The following MARCHF4 variants were observed in gnomAD, a reference collection of about 807,000 sequenced individuals.
MARCHF4 encodes the protein membrane associated ring-CH-type finger 4.
MARCHF4 carries 14 observed loss-of-function variants against 43.9 expected under a neutral mutation model. That is an observed-to-expected ratio of 0.32 (90% CI 0.21 to 0.50). MARCHF4 has a LOEUF of 0.50. Among genes scored for constraint, MARCHF4 ranks in the 20% least tolerant of loss-of-function variants. The pLI, the probability that MARCHF4 is intolerant of heterozygous loss-of-function variation, is 0.98. For synonymous variants in MARCHF4, 226 were observed against 213.3 expected (o/e 1.06, Z -0.52); for missense variants, 468 against 536.7 (o/e 0.87, Z 1.27).
intron 2 of MARCHF4, among the ~76,000 whole-genome samples, chr2:216,280,324 G>T (rs1691107534): frequency 6.6e-6 from 1 of 151,962 alleles, no homozygotes; most frequent in Non-Finnish European, 1.5e-5. Flanking sequence ...CCAATGAATG[G>T]AGAGACAAGC....
chr2:216,328,408 G>C (rs183100563), intron 1 of MARCHF4, among the ~76,000 whole-genome samples: 1 of 152,202 alleles, frequency 6.6e-6, no homozygotes, highest in East Asian at 1.9e-4. Context: ...CTCGTGATTC[G>C]CCCAACAATC....
At chr2:216,334,027 C>G (rs957103341) in intron 1 of MARCHF4, among the ~76,000 whole-genome samples, 2 of 151,884 alleles carry the variant, frequency 1.3e-5, no homozygotes, top group Admixed American at 6.6e-5. Flanking sequence ...CATGACCCCC[C>G]AAAGATGCCC....
chr2:216,302,714 AC>A (rs1691510008), intron 1 of MARCHF4, among the ~76,000 whole-genome samples: 1 of 151,640 alleles, frequency 6.6e-6, no homozygotes, highest in African/African-American at 2.4e-5. Flanking sequence ...CCTGGCCAAC[AC>A]AATGAAACCC....
chr2:216,281,609 G>A lies in MARCHF4; in HGVS notation c.672+1965C>T, dbSNP rs72942605. ...TGTCTCACATGTTGCTGGGCCTGAGGAGCACAGGACATACAATTGGGACAA... is the reference window on the plus strand; with the variant it reads ...TGTCTCACATGTTGCTGGGCCTGAGAAGCACAGGACATACAATTGGGACAA... On this transcript the variant is annotated intron_variant, in intron 2 of 3. Coordinates refer to ENST00000273067, the MANE Select transcript of MARCHF4 (RefSeq NM_020814.3). Among the ~76,000 whole-genome samples, 1,015 of 152,316 alleles carry A rather than the reference G, an allele frequency of 6.7e-3. 9 individuals carry two copies. Among genetic ancestry groups the A allele is most frequent in the Admixed American group, 0.011 (173 of 15,302 alleles).
At chr2:216,283,963 A>G (rs1187119254) in intron 1 of MARCHF4, among the ~76,000 whole-genome samples, 1 of 152,150 alleles carries the variant, frequency 6.6e-6, no homozygotes, top group Non-Finnish European at 1.5e-5. Context: ...ACTGCTTGAT[A>G]CAGCACAGTA....
At chr2:216,358,947 A>T (rs1692538716) in intron 1 of MARCHF4, among the ~76,000 whole-genome samples, 1 of 152,190 alleles carries the variant, frequency 6.6e-6, no homozygotes, top group African/African-American at 2.4e-5. Flanking sequence ...AAGGAAACCA[A>T]ATGGGGAGAA....
chr2:216,320,122 C>G (rs1414425859), intron 1 of MARCHF4, among the ~76,000 whole-genome samples: 5 of 152,108 alleles, frequency 3.3e-5, no homozygotes, highest in Non-Finnish European at 7.4e-5. Context: ...CTGTAAGACA[C>G]AAAGATATAT....
At chr2:216,330,256 T>A (rs773048407) in intron 1 of MARCHF4, among the ~76,000 whole-genome samples, 3 of 152,226 alleles carry the variant, frequency 2.0e-5, no homozygotes, top group Non-Finnish European at 4.4e-5. Flanking sequence ...GATAGTGTGG[T>A]CAATTTTTTC....
intron 1 of MARCHF4, among the ~76,000 whole-genome samples, chr2:216,364,932 T>C (rs1193124460): frequency 6.6e-6 from 1 of 152,250 alleles, no homozygotes; most frequent in Admixed American, 6.5e-5. Flanking sequence ...TTTAACAGTT[T>C]GTTAGCTGGA....
chr2:216,316,972 T>A (rs1054561457), intron 1 of MARCHF4, among the ~76,000 whole-genome samples: 1 of 152,030 alleles, frequency 6.6e-6, no homozygotes, highest in African/African-American at 2.4e-5. Flanking sequence ...ATGACCAGCA[T>A]GGGATGAGGT....
At chr2:216,341,718 C>T (rs190903351) in intron 1 of MARCHF4, among the ~76,000 whole-genome samples, 50 of 152,276 alleles carry the variant, frequency 3.3e-4, no homozygotes, top group African/African-American at 1.2e-3. Flanking sequence ...AACAACTGGA[C>T]CTGCATAGAC....
intron 1 of MARCHF4, among the ~76,000 whole-genome samples, chr2:216,350,722 C>T (rs1692394092): frequency 1.3e-5 from 2 of 152,218 alleles, no homozygotes; most frequent in South Asian, 4.1e-4. Flanking sequence ...AAGCATGCCC[C>T]TCCCTGTTTT....
At chr2:216,368,668 C>G (rs1692704739) in intron 1 of MARCHF4, among the ~76,000 whole-genome samples, 1 of 152,180 alleles carries the variant, frequency 6.6e-6, no homozygotes, top group Admixed American at 6.5e-5. Context: ...CAAGGAGTAT[C>G]CAGAAATCCT....
At chr2:216,271,613 G>A (rs907537895) in intron 3 of MARCHF4, among the ~76,000 whole-genome samples, 7 of 152,118 alleles carry the variant, frequency 4.6e-5, no homozygotes, top group South Asian at 2.1e-4. Flanking sequence ...GATATGACCC[G>A]CTCTGACTCA....
chr2:216,367,401 A>G (rs1692683691), intron 1 of MARCHF4, among the ~76,000 whole-genome samples: 1 of 149,748 alleles, frequency 6.7e-6, no homozygotes. Flanking sequence ...TTCCTTTTCT[A>G]GAGTTTCCCT....
intron 1 of MARCHF4, among the ~76,000 whole-genome samples, chr2:216,344,326 T>A (rs555710120): frequency 6.6e-6 from 1 of 152,310 alleles, no homozygotes; most frequent in African/African-American, 2.4e-5. Flanking sequence ...TTTCCTATCC[T>A]ATTCTACTGA....
At chr2:216,328,409 C>T (rs1183654411) in intron 1 of MARCHF4, among the ~76,000 whole-genome samples, 1 of 152,182 alleles carries the variant, frequency 6.6e-6, no homozygotes, top group Non-Finnish European at 1.5e-5. Flanking sequence ...TCGTGATTCG[C>T]CCAACAATCC....
chr2:216,369,342 G>C (rs892642573), intron 1 of MARCHF4, among the ~76,000 whole-genome samples: 2 of 152,188 alleles, frequency 1.3e-5, no homozygotes, highest in Admixed American at 1.3e-4. Context: ...GGAAGAAGTT[G>C]GGATATGGGA....
In MARCHF4 at chr2:216,258,507, GGTGTGT is replaced by G. The variant is rs61382542; in HGVS notation, c.*799_*804del. 196 of 145,258 alleles carry G rather than the reference GGTGTGT, an allele frequency of 1.3e-3. No individual in the cohort carries two copies. The East Asian group carries it at 0.014, about 11-fold the overall frequency. The allele number at this position is 145,258 out of a possible 1,614,324, so 9.0% of individuals were successfully genotyped here. A position where few individuals can be genotyped will look rare whatever the true frequency, so the allele number is the denominator to read the frequency against. On this transcript the variant is annotated 3_prime_UTR_variant, in exon 4 of 4. Transcript: ENST00000273067. ...CTGGAAATCTGTACTTTTCTCTAGG[GGTGTGT>G]GTGTGTGTGTGTGTGTGTGTGTGTG...
Sources: allele counts gnomAD v4.1 joint callset (sites outside exome capture counted in the v4.1 genomes callset), GRCh38; gene constraint gnomAD v4.1.1; transcripts MANE v1.5; gene names NCBI Gene and HGNC (gene_info 2026-07-23, HGNC 2026-07-21).